The following UVRAG variants were observed in gnomAD, a reference collection of about 807,000 sequenced individuals.
UVRAG encodes the protein UV radiation resistance associated.
UVRAG carries 19 observed loss-of-function variants against 78.0 expected under a neutral mutation model. The observed-to-expected ratio is 0.24, with a 90% CI of 0.17 to 0.36. UVRAG has a LOEUF of 0.36. UVRAG is among the 10% of genes least tolerant of loss of function. UVRAG has a pLI of 1.00. For missense variants in UVRAG, 740 were observed against 853.8 expected, an observed-to-expected ratio of 0.87 and a Z score of 1.66; for synonymous variants, 323 against 324.6, an observed-to-expected ratio of 1.00 and a Z score of 0.05.
At chr11:75,917,298 A>G (rs531482597) in intron 6 of UVRAG, among the ~76,000 whole-genome samples, 1 of 152,336 alleles carries the variant, frequency 6.6e-6, no homozygotes, top group Admixed American at 6.5e-5. Flanking sequence ...AATTCTAAAC[A>G]GTCATAATAA....
At chr11:75,849,510 T>C (rs1375755938) in intron 1 of UVRAG, among the ~76,000 whole-genome samples, 1 of 146,214 alleles carries the variant, frequency 6.8e-6, no homozygotes. Context: ...AAAAAAAAAT[T>C]AATGATAATG....
chr11:75,986,126 A>G lies in UVRAG; in HGVS notation c.826+2613A>G, dbSNP rs115527723. On this transcript the variant is annotated intron_variant, in intron 8 of 14. Coordinates refer to ENST00000356136, the MANE Select transcript of UVRAG (RefSeq NM_003369.4). Reference sequence around the variant, plus strand: ...GGATTTTGATGGAACTGCATTGAATATATTTATCAAATGTAATTGGGGATA... The same window carrying G: ...GGATTTTGATGGAACTGCATTGAATGTATTTATCAAATGTAATTGGGGATA... Among the ~76,000 whole-genome samples the G allele has an allele frequency of 9.9e-3, 1,510 of 152,286 alleles. 21 individuals are homozygous for G. Among genetic ancestry groups the G allele is most frequent in the African/African-American group, 0.035 (1,447 of 41,566 alleles).
chr11:76,134,262 T>C (rs1952563806), intron 14 of UVRAG, among the ~76,000 whole-genome samples: 2 of 139,310 alleles, frequency 1.4e-5, no homozygotes, highest in East Asian at 2.0e-4. Context: ...CACCTGGCCT[T>C]TTTTTTTTTT....
intron 1 of UVRAG, among the ~76,000 whole-genome samples, chr11:75,839,831 A>ATG (rs1223773268): frequency 6.6e-6 from 1 of 150,440 alleles, no homozygotes; most frequent in Non-Finnish European, 1.5e-5. Flanking sequence ...GTGTGTATAT[A>ATG]TATATATACA....
chr11:75,890,804 C>G (rs932360981), intron 5 of UVRAG, among the ~76,000 whole-genome samples: 13 of 152,140 alleles, frequency 8.5e-5, no homozygotes, highest in Non-Finnish European at 1.5e-5. Flanking sequence ...CCTGGAAGAC[C>G]TCCAGTTTTT....
chr11:75,996,611 AGAGGCATG>A (rs1235996280), intron 8 of UVRAG, among the ~76,000 whole-genome samples: 1 of 152,196 alleles, frequency 6.6e-6, no homozygotes, highest in African/African-American at 2.4e-5. Flanking sequence ...CAGTTTATAC[AGAGGCATG>A]GAGGTAGCTT....
intron 8 of UVRAG, among the ~76,000 whole-genome samples, chr11:75,992,328 T>C (rs1394893917): frequency 6.6e-6 from 1 of 152,226 alleles, no homozygotes; most frequent in Non-Finnish European, 1.5e-5. Flanking sequence ...GTTAAATATG[T>C]ATTTGTCATG....
chr11:75,962,451 C>T (rs1441191781), intron 7 of UVRAG, among the ~76,000 whole-genome samples: 1 of 152,102 alleles, frequency 6.6e-6, no homozygotes, highest in African/African-American at 2.4e-5. Flanking sequence ...AAACTTCTCT[C>T]TCATGGAATT....
intron 7 of UVRAG, among the ~76,000 whole-genome samples, chr11:75,976,470 G>A (rs975977127): frequency 6.6e-6 from 1 of 152,156 alleles, no homozygotes; most frequent in Non-Finnish European, 1.5e-5. Context: ...GCCTCTGGTA[G>A]AATTTGGCTG....
At chr11:75,833,351 A>G (rs1461048716) in intron 1 of UVRAG, among the ~76,000 whole-genome samples, 1 of 152,152 alleles carries the variant, frequency 6.6e-6, no homozygotes, top group Non-Finnish European at 1.5e-5. Context: ...ATTTTGCTAC[A>G]TTTGCAAGCT....
chr11:75,885,609 G>T (rs568526866), intron 4 of UVRAG, among the ~76,000 whole-genome samples: 3 of 151,984 alleles, frequency 2.0e-5, no homozygotes, highest in Non-Finnish European at 4.4e-5. Context: ...GCTGTTTTTC[G>T]TAAAGATATC....
chr11:76,011,735 G>A (rs1950054045), intron 11 of UVRAG, among the ~76,000 whole-genome samples: 1 of 152,322 alleles, frequency 6.6e-6, no homozygotes, highest in South Asian at 2.1e-4. Flanking sequence ...TGTTGAGGGT[G>A]TAAGAGATGG....
At chr11:76,006,655 C>T (rs1445401137) in intron 9 of UVRAG, among the ~76,000 whole-genome samples, 17 of 71,920 alleles carry the variant, frequency 2.4e-4, no homozygotes, top group Non-Finnish European at 3.8e-4. Context: ...AGTGAGACCC[C>T]GTCTCAAAAA....
chr11:76,104,117 G>A (rs930324171), intron 13 of UVRAG, among the ~76,000 whole-genome samples: 2 of 152,096 alleles, frequency 1.3e-5, no homozygotes, highest in African/African-American at 4.8e-5. Flanking sequence ...TTTCCACCTG[G>A]GGAATTTCAG....
At chr11:75,926,160 A>C (rs1948099091) in intron 6 of UVRAG, among the ~76,000 whole-genome samples, 1 of 152,132 alleles carries the variant, frequency 6.6e-6, no homozygotes, top group Non-Finnish European at 1.5e-5. Context: ...AGTGTGCTTA[A>C]TATACTCCTC....
intron 9 of UVRAG, among the ~76,000 whole-genome samples, chr11:76,005,334 C>A (rs1372247412): frequency 6.6e-6 from 1 of 151,468 alleles, no homozygotes; most frequent in Non-Finnish European, 1.5e-5. Flanking sequence ...CAGAGCGAGA[C>A]GCCATCTTAA....
At chr11:75,861,467 C>CAAATTAGA (rs1946420837) in intron 2 of UVRAG, among the ~76,000 whole-genome samples, 1 of 152,084 alleles carries the variant, frequency 6.6e-6, no homozygotes, top group South Asian at 2.1e-4. Flanking sequence ...TTTAAGGGCT[C>CAAATTAGA]AAATTAGAAT....
intron 6 of UVRAG, among the ~76,000 whole-genome samples, chr11:75,918,338 G>A (rs952327616): frequency 1.3e-5 from 2 of 149,974 alleles, no homozygotes; most frequent in African/African-American, 2.5e-5. Context: ...AGATCGCGCC[G>A]CTGCTCTCCA....
intron 6 of UVRAG, among the ~76,000 whole-genome samples, chr11:75,937,642 G>A (rs1233183447): frequency 6.6e-6 from 1 of 152,060 alleles, no homozygotes; most frequent in Non-Finnish European, 1.5e-5. Flanking sequence ...CCTTTATGTA[G>A]TGTGTCTTTT....
Sources: gnomAD v4.1 joint callset for allele counts (sites outside exome capture counted in the v4.1 genomes callset) on GRCh38, gnomAD v4.1.1 for gene constraint, MANE v1.5 for transcripts, NCBI Gene and HGNC (gene_info 2026-07-23, HGNC 2026-07-21) for gene names.